Variants in DNAH8 observed in about 807,000 individuals in gnomAD.
DNAH8 encodes the protein dynein axonemal heavy chain 8.
In DNAH8, 382 loss-of-function variants were observed where a neutral mutation model predicts 562.1. The ratio of observed to expected loss-of-function variants is 0.68; its 90% CI spans 0.63 to 0.74. The LOEUF is 0.74. DNAH8 is among the 30% of genes least tolerant of loss of function. DNAH8 has a pLI of 0.00. For missense variants in DNAH8, 5,203 were observed against 5,620.4 expected (o/e 0.93, Z 2.37); for synonymous variants, 1,881 against 1,919.4 (o/e 0.98, Z 0.52).
At chr6:38,882,875 G>C in intron 53 of DNAH8, 35 bp from the exon 54 acceptor site, 2 of 1,420,180 alleles carry the variant, frequency 1.4e-6, no homozygotes, top group Non-Finnish European at 1.9e-6. Context: ...CACAGAATAT[G>C]GTTCTATTAA....
intron 88 of DNAH8, among the ~76,000 whole-genome samples, chr6:38,991,360 A>G (rs1397318946): frequency 2.0e-5 from 3 of 152,212 alleles, no homozygotes; most frequent in Non-Finnish European, 4.4e-5. Flanking sequence ...TCTTGCTGTT[A>G]TCTAAGGAGG....
At chr6:38,732,898 A>AT (rs1004144724) in intron 4 of DNAH8, among the ~76,000 whole-genome samples, 37 of 149,876 alleles carry the variant, frequency 2.5e-4, no homozygotes, top group Middle Eastern at 3.4e-3. Flanking sequence ...TTCCTTTTTT[A>AT]TTTTTTTTTG....
chr6:38,810,088 T>G (rs1432663141), intron 24 of DNAH8, among the ~76,000 whole-genome samples: 1 of 152,228 alleles, frequency 6.6e-6, no homozygotes, highest in Non-Finnish European at 1.5e-5. Flanking sequence ...GAGTTCAATT[T>G]GTTTGCATTT....
At chr6:38,940,636 T>C (rs1479118454) in intron 79 of DNAH8, among the ~76,000 whole-genome samples, 1 of 152,126 alleles carries the variant, frequency 6.6e-6, no homozygotes, top group Non-Finnish European at 1.5e-5. Flanking sequence ...TCTTAAAAGT[T>C]ACCCCACAAG....
At chr6:38,991,987 C>T (rs1316534331) in intron 88 of DNAH8, among the ~76,000 whole-genome samples, 8 of 150,812 alleles carry the variant, frequency 5.3e-5, no homozygotes, top group Non-Finnish European at 8.9e-5. Context: ...TTTTTTGCCA[C>T]GGAATTTCGC....
rs138838432 is a variant in DNAH8 at position 38,991,257 on chromosome 6, CT to C, written c.13214+1087del. On this transcript the variant is annotated intron_variant, in intron 88 of 92. Transcript: ENST00000327475. ...TCATCTCGCCCAGGCTGCTTTTCAT[CT>C]TCAAAGATGCGGACATGATTGAAAA... is the stretch of plus-strand genomic sequence containing the variant. Among the ~76,000 whole-genome samples, 1,438 of 152,308 alleles carry C rather than the reference CT, an allele frequency of 9.4e-3. 14 individuals carry two copies. The highest frequency in any genetic ancestry group is 0.015 in the Non-Finnish European group (1,012 of 68,034).
intron 33 of DNAH8, 148 bp downstream of exon 33, chr6:38,838,190 A>G: frequency 1.7e-6 from 1 of 579,492 alleles, no homozygotes. Context: ...GCTATTCTTT[A>G]CAAATTGGAC....
At chr6:39,000,109 CAACA>C (rs1364205606) in intron 88 of DNAH8, among the ~76,000 whole-genome samples, 1 of 152,140 alleles carries the variant, frequency 6.6e-6, no homozygotes, top group Non-Finnish European at 1.5e-5. Context: ...GGCCTCAATT[CAACA>C]AACAAACATT....
intron 88 of DNAH8, among the ~76,000 whole-genome samples, chr6:39,003,455 C>T (rs538536703): frequency 1.2e-4 from 18 of 152,260 alleles, no homozygotes; most frequent in African/African-American, 4.1e-4. Context: ...AAAAGTCCTA[C>T]ATTCTTATTG....
At chr6:38,891,298 T>A (rs2050179) in intron 58 of DNAH8, among the ~76,000 whole-genome samples, 22,486 of 152,166 alleles carry the variant, frequency 0.15, 1,857 homozygotes, top group Admixed American at 0.23. Flanking sequence ...AACCTGCAGC[T>A]GTCCCCAGAT....
At chr6:38,754,650 T>C (rs1428418713) in intron 9 of DNAH8, among the ~76,000 whole-genome samples, 1 of 152,174 alleles carries the variant, frequency 6.6e-6, no homozygotes, top group African/African-American at 2.4e-5. Context: ...TCTGTTCTCC[T>C]GTAGTGATTT....
intron 23 of DNAH8, among the ~76,000 whole-genome samples, chr6:38,805,986 A>G (rs1771240989): frequency 6.6e-6 from 1 of 152,232 alleles, no homozygotes; most frequent in South Asian, 2.1e-4. Context: ...CTTGGGGCTC[A>G]GGGATCTGCA....
intron 53 of DNAH8, among the ~76,000 whole-genome samples, chr6:38,877,495 T>C (rs1778115332): frequency 6.6e-6 from 1 of 152,182 alleles, no homozygotes; most frequent in Non-Finnish European, 1.5e-5. Context: ...GTCTGTTGAC[T>C]AAAATATTGA....
chr6:38,745,238 A>C (rs1388783992), intron 8 of DNAH8, among the ~76,000 whole-genome samples: 1 of 152,208 alleles, frequency 6.6e-6, no homozygotes, highest in East Asian at 1.9e-4. Flanking sequence ...GAACAAATGC[A>C]ACTTAATGCT....
chr6:38,734,328 C>CCG lies in DNAH8; in HGVS notation c.611-145_611-144insGC, dbSNP rs1554195325. ...TAATTATTGGCATCTTCTAGTAGAC[C>CCG]CCCCCCCAAAAAAATTATTCTATGA... On this transcript the variant is annotated intron_variant, in intron 4 of 92. Transcript: ENST00000327475. 16 of 597,470 alleles carry CCG rather than the reference C, an allele frequency of 2.7e-5. No homozygotes were observed. In the South Asian group the frequency reaches 3.5e-4, roughly 13 times the overall value. The allele number at this position is 597,470 out of a possible 1,614,324, so 37.0% of individuals were successfully genotyped here. A position where few individuals can be genotyped will look rare whatever the true frequency, so the allele number is the denominator to read the frequency against.
rs556332860 is a variant in DNAH8, at chr6:38,834,703, A to G, written c.4365+62A>G. ...TAATTTAAAAAATTATTTTGGGGAA[A>G]GATGGAGGTTTTACTTTTTAATAGA... On this transcript the variant is annotated intron_variant, in intron 32 of 92. Transcript: ENST00000327475. 1.5e-5 allele frequency: 20 copies of G among 1,306,524 alleles called. No homozygotes were observed. In the South Asian group the frequency reaches 2.2e-4, roughly 14 times the overall value. 80.9% of individuals were successfully genotyped at this position (1,306,524 alleles called of 1,614,324 possible).
chr6:38,910,420 A>G (rs1028849522), intron 65 of DNAH8, among the ~76,000 whole-genome samples: 8 of 152,210 alleles, frequency 5.3e-5, no homozygotes, highest in Admixed American at 2.6e-4. Context: ...TAACACTTTC[A>G]TTGATTTTCA....
At chr6:38,971,411 T>A (rs569503382) in intron 82 of DNAH8, among the ~76,000 whole-genome samples, 181 bp from the exon 83 acceptor site, 7 of 151,464 alleles carry the variant, frequency 4.6e-5, no homozygotes, top group African/African-American at 1.7e-4. Flanking sequence ...CCTCCAGGTC[T>A]CTGCTCCATG....
At chr6:38,881,349 T>C (rs1778462309) in intron 53 of DNAH8, among the ~76,000 whole-genome samples, 2 of 152,194 alleles carry the variant, frequency 1.3e-5, no homozygotes, top group South Asian at 4.1e-4. Context: ...AACTTTTGGG[T>C]ATAATTCTGA....
Sources: allele counts gnomAD v4.1 joint callset (sites outside exome capture counted in the v4.1 genomes callset), GRCh38; gene constraint gnomAD v4.1.1; transcripts MANE v1.5; gene names NCBI Gene and HGNC (gene_info 2026-07-23, HGNC 2026-07-21).